KALRN: variants seen among roughly 807,000 people sequenced by gnomAD.
KALRN encodes kalirin RhoGEF kinase, also known as kalirin.
A neutral mutation model predicts 353.7 loss-of-function variants in KALRN; 70 were observed. The ratio of observed to expected loss-of-function variants is 0.20; its 90% CI spans 0.16 to 0.24. KALRN has a LOEUF of 0.24. Ranked by LOEUF, KALRN falls within the 10% of genes least tolerant of loss-of-function variation. KALRN has a pLI of 1.00. For missense variants in KALRN, 2,791 were observed against 3,756.7 expected (o/e 0.74, Z 6.72); for synonymous variants, 1,391 against 1,434.8 (o/e 0.97, Z 0.69).
In KALRN at chr3:124,286,217, TTC is replaced by T. The variant is rs531575151; in HGVS notation, c.970-12572_970-12571del. ...TCCTTTCTCTTTTCTCTTTTTCTCTTTCTTTCTTTCTTTTCTTCTCTTCCTCT... is the reference window on the plus strand; with the variant it reads ...TCCTTTCTCTTTTCTCTTTTTCTCTTTTTCTTTCTTTTCTTCTCTTCCTCT... On this transcript the variant is annotated intron_variant, in intron 5 of 59. Transcript: ENST00000682506. 4.6e-3 allele frequency among the ~76,000 whole-genome samples: 696 copies of T among 150,788 alleles called. 2 individuals are homozygous for T. The highest frequency in any genetic ancestry group is 7.6e-3 in the Non-Finnish European group (513 of 67,694).
chr3:124,495,986 T>TATATATATATATATAC (rs2063746664), intron 32 of KALRN, among the ~76,000 whole-genome samples: 1 of 52,786 alleles, frequency 1.9e-5, no homozygotes, highest in African/African-American at 8.5e-5. Flanking sequence ...TATATATATA[T>TATATATATATATATAC]ATATATATAT....
rs369177425 is a variant in KALRN at position 124,631,517 on chromosome 3, C to T, written c.5183-903C>T. Among the ~76,000 whole-genome samples the T allele has an allele frequency of 2.0e-4, 31 of 152,200 alleles. 1 individual carries two copies. The South Asian group carries it at 6.4e-3, about 32-fold the overall frequency. On this transcript the variant is annotated intron_variant, in intron 34 of 59. Coordinates refer to ENST00000682506, the MANE Select transcript of KALRN (RefSeq NM_001388419.1). ...GATACCCTTGACTCTTTTTTCATATCCCATACACACATAGTCTGTCAGCAA... is the reference window on the plus strand; with the variant it reads ...GATACCCTTGACTCTTTTTTCATATTCCATACACACATAGTCTGTCAGCAA...
chr3:124,726,100 T>G lies in KALRN; in HGVS notation c.*6630T>G, dbSNP rs1488306565. 1.3e-5 allele frequency: 2 copies of G among 152,242 alleles called. No individual in the cohort carries two copies. The highest frequency in any genetic ancestry group is 4.8e-5 in the African/African-American group (2 of 41,468). 9.4% of individuals were successfully genotyped at this position (152,242 alleles called of 1,614,324 possible). ...GGGTTTTTGGTTATTTTATTATTTT[T>G]AAATTTTTCTGCTGTTGTTCATTTT... is the stretch of plus-strand genomic sequence containing the variant. On this transcript the variant is annotated 3_prime_UTR_variant, in exon 60 of 60. Coordinates refer to ENST00000682506, the MANE Select transcript of KALRN (RefSeq NM_001388419.1).
At chr3:124,533,688 G>A (rs1002485327) in intron 33 of KALRN, among the ~76,000 whole-genome samples, 4 of 152,116 alleles carry the variant, frequency 2.6e-5, no homozygotes, top group Non-Finnish European at 4.4e-5. Flanking sequence ...TTGAGCATAT[G>A]TCATGTAATC....
intron 1 of KALRN, among the ~76,000 whole-genome samples, chr3:124,182,048 G>A (rs2073668373): frequency 6.6e-6 from 1 of 152,150 alleles, no homozygotes; most frequent in African/African-American, 2.4e-5. Flanking sequence ...TTATATACAA[G>A]ATAAAATTAT....
chr3:124,616,013 C>A (rs2149610961), intron 34 of KALRN, among the ~76,000 whole-genome samples: 1 of 152,190 alleles, frequency 6.6e-6, no homozygotes, highest in Admixed American at 6.5e-5. Flanking sequence ...TCCAAGAGAC[C>A]CTAAGCCTTC....
chr3:124,315,659 G>C (rs1425238861), intron 6 of KALRN, among the ~76,000 whole-genome samples: 2 of 151,756 alleles, frequency 1.3e-5, no homozygotes, highest in Non-Finnish European at 2.9e-5. Flanking sequence ...CTGTAGCTCA[G>C]TTGACCCACC....
intron 15 of KALRN, among the ~76,000 whole-genome samples, chr3:124,430,200 AC>A (rs1273368777): frequency 3.3e-5 from 5 of 152,354 alleles, no homozygotes; most frequent in Non-Finnish European, 1.5e-5. Context: ...ATATGCTTGC[AC>A]TAGATGAAGA....
At position 124,654,376 on chromosome 3, in the gene KALRN, G is replaced by A. The variant is rs981168577; in HGVS notation, c.5796-1225G>A. Reference sequence around the variant, plus strand: ...GTGGTGGCTTCTGGGGCTATACGGAGCAAGAGTTTCAGATGAATTGCTTCC... The same window carrying A: ...GTGGTGGCTTCTGGGGCTATACGGAACAAGAGTTTCAGATGAATTGCTTCC... On this transcript the variant is annotated intron_variant, in intron 38 of 59. Coordinates refer to ENST00000682506, the MANE Select transcript of KALRN (RefSeq NM_001388419.1). Among the ~76,000 whole-genome samples, 6 of 152,216 alleles carry A rather than the reference G, an allele frequency of 3.9e-5. 1 individual carries two copies. The South Asian group carries it at 8.3e-4, about 21-fold the overall frequency.
At chr3:124,112,654 A>G (rs887602068) in intron 1 of KALRN, among the ~76,000 whole-genome samples, 2 of 152,092 alleles carry the variant, frequency 1.3e-5, no homozygotes, top group African/African-American at 4.8e-5. Context: ...TCTGTTTTCC[A>G]TATCCTATAT....
intron 12 of KALRN, 171 bp downstream of exon 12, chr3:124,395,514 A>G (rs1349902569): frequency 1.8e-6 from 1 of 564,898 alleles, no homozygotes; most frequent in Non-Finnish European, 3.1e-6. Flanking sequence ...AATCTAGAAT[A>G]AAATAGTAAA....
chr3:124,624,904 T>C (rs2079761674), intron 34 of KALRN, among the ~76,000 whole-genome samples: 1 of 152,154 alleles, frequency 6.6e-6, no homozygotes, highest in African/African-American at 2.4e-5. Context: ...CAACTGGTAG[T>C]ATTAGGTTTT....
chr3:124,071,726 C>A (rs1224090031), intron 1 of KALRN, among the ~76,000 whole-genome samples: 1 of 152,188 alleles, frequency 6.6e-6, no homozygotes, highest in Non-Finnish European at 1.5e-5. Context: ...TTAGTCACTT[C>A]TTGAAGACCC....
intron 34 of KALRN, among the ~76,000 whole-genome samples, chr3:124,632,116 A>G (rs2080851698): frequency 6.6e-6 from 1 of 152,100 alleles, no homozygotes; most frequent in Non-Finnish European, 1.5e-5. Flanking sequence ...CATTTTGCTT[A>G]TTTTATTTTT....
At chr3:124,067,503 C>T (rs1371922190) in intron 1 of KALRN, among the ~76,000 whole-genome samples, 1 of 151,980 alleles carries the variant, frequency 6.6e-6, no homozygotes, top group South Asian at 2.1e-4. Context: ...AAAAAACCAC[C>T]AAAACCACCC....
intron 37 of KALRN, among the ~76,000 whole-genome samples, chr3:124,642,111 A>C (rs996806594): frequency 2.0e-5 from 3 of 152,118 alleles, no homozygotes; most frequent in Non-Finnish European, 4.4e-5. Flanking sequence ...GTGAAACCCC[A>C]TATCTAGTAA....
intron 1 of KALRN, among the ~76,000 whole-genome samples, chr3:124,062,213 C>T (rs1333976913): frequency 1.3e-5 from 2 of 152,180 alleles, no homozygotes; most frequent in African/African-American, 2.4e-5. Context: ...ACTTATGTGG[C>T]CTTCTGTAGG....
intron 42 of KALRN, 116 bp from the exon 43 acceptor site, chr3:124,659,249 A>T: frequency 2.6e-6 from 2 of 754,958 alleles, no homozygotes; most frequent in Middle Eastern, 2.4e-4. Context: ...TTACTTAAAG[A>T]TTCTTCAACT....
chr3:124,677,455 C>G (rs1295535862), intron 49 of KALRN: 3 of 369,780 alleles, frequency 8.1e-6, no homozygotes, highest in Non-Finnish European at 1.6e-5. Context: ...ATTGAAAAGC[C>G]ATTGCTGCTC....
Sources: allele counts gnomAD v4.1 joint callset (sites outside exome capture counted in the v4.1 genomes callset), GRCh38; gene constraint gnomAD v4.1.1; transcripts MANE v1.5; gene names NCBI Gene and HGNC (gene_info 2026-07-23, HGNC 2026-07-21).